Variants in WNT10A observed in about 807,000 individuals in gnomAD.
WNT10A encodes the protein protein Wnt-10a.
A neutral mutation model predicts 36.1 loss-of-function variants in WNT10A; 37 were observed. The ratio of observed to expected loss-of-function variants is 1.02; its 90% CI spans 0.79 to 1.35. The LOEUF (loss-of-function observed/expected upper bound fraction) is 1.35. Ranked by LOEUF, WNT10A falls within the 40% of genes most tolerant of loss-of-function variation. The probability of loss-of-function intolerance (pLI) is 0.00; values close to 1 mark genes in which losing one functional copy is unlikely to be tolerated. For synonymous variants in WNT10A, 255 were observed against 254.1 expected, an observed-to-expected ratio of 1.00 and a Z score of -0.03; for missense variants, 613 against 601.4, an observed-to-expected ratio of 1.02 and a Z score of -0.20.
intron 2 of WNT10A, chr2:218,883,734 C>A: frequency 6.6e-6 from 1 of 151,108 alleles, no homozygotes. Context: ...CGCTCTCCCG[C>A]CCCCTCCCGC....
Position 218,890,119 on chromosome 2 carries a change from G to A in WNT10A, c.512G>A (p.Arg171His), listed in dbSNP as rs199737793. 142 of 1,614,054 alleles carry A rather than the reference G, an allele frequency of 8.8e-5. No individual in the cohort carries two copies. In the Admixed American group the frequency reaches 2.1e-3, roughly 24 times the overall value. The change falls in exon 3 of 4, where the codon CGT becomes CAT. Residue 171 changes from arginine to histidine, a missense_variant. By Grantham distance (29) the Arg-to-His change is conservative. Coordinates refer to ENST00000258411, the MANE Select transcript of WNT10A (RefSeq NM_025216.3). Reference protein sequence around the residue: ...ASRRGDEEAFRRKLHRLQLDA... With the variant: ...ASRRGDEEAFHRKLHRLQLDA... ...CGGCGAGGGGACGAGGAGGCCTTCC[G>A]TAGGAAGCTGCACCGCTTACAACTG...
rs202024965 is a variant in WNT10A, at chr2:218,890,034, C to T, written c.427C>T (p.His143Tyr). ...CGCCATCGCAGCAGCTGGCGTGGTG[C>T]ACGCCGTGTCCAATGCGTGTGCCCT... is the stretch of plus-strand genomic sequence containing the variant. The part of the protein sequence containing the change: ...AYAIAAAGVV[H>Y]AVSNACALGK... Residue 143 changes from histidine to tyrosine, a missense_variant, in exon 3 of 4, where the codon CAC becomes TAC. Coordinates refer to ENST00000258411, the MANE Select transcript of WNT10A (RefSeq NM_025216.3). 1.2e-4 allele frequency: 196 copies of T among 1,613,752 alleles called. No homozygotes were observed. Among genetic ancestry groups the T allele is most frequent in the Non-Finnish European group, 1.1e-4 (135 of 1,180,054 alleles).
chr2:218,878,182 T>C (rs926666067), upstream of WNT10A, among the ~76,000 whole-genome samples: 1 of 152,158 alleles, frequency 6.6e-6, no homozygotes, highest in African/African-American at 2.4e-5. The surrounding 1 kb of genome is among the most constrained non-coding windows in gnomAD (Gnocchi z 4.1). Context: ...TGATAGGGGC[T>C]TGGCCATGGT....
chr2:218,890,020 C>T lies in WNT10A; in HGVS notation c.413C>T (p.Ala138Val). 1 of 1,613,722 alleles carries T rather than the reference C, an allele frequency of 6.2e-7. No individual in the cohort carries two copies. The highest frequency in any genetic ancestry group is 1.1e-5 in the South Asian group (1 of 91,070). ...AGCGCTTTTGCCTACGCCATCGCAG[C>T]AGCTGGCGTGGTGCACGCCGTGTCC... ...RESAFAYAIA[A>V]AGVVHAVSNA... Residue 138 changes from alanine (A) to valine (V), a missense_variant, in exon 3 of 4, where the codon GCA becomes GTA. By Grantham distance (64) the Ala-to-Val change is moderately conservative. Transcript: ENST00000258411.
upstream of WNT10A, among the ~76,000 whole-genome samples, chr2:218,876,541 G>A (rs1944455073): frequency 6.6e-6 from 1 of 152,082 alleles, no homozygotes; most frequent in Non-Finnish European, 1.5e-5. Flanking sequence ...GGCTCCCTTG[G>A]GTCAAATGTC....
At chr2:218,882,994 G>A (rs991340013) in intron 2 of WNT10A, among the ~76,000 whole-genome samples, 3 of 152,224 alleles carry the variant, frequency 2.0e-5, no homozygotes, top group African/African-American at 7.2e-5. Context: ...GTGCCTGTGT[G>A]CAGTGGCTCC....
chr2:218,885,337 T>A (rs1046975704), intron 2 of WNT10A, among the ~76,000 whole-genome samples: 1 of 152,192 alleles, frequency 6.6e-6, no homozygotes, highest in African/African-American at 2.4e-5. Context: ...AGAACCTAGA[T>A]GGTTGGTTCC....
chr2:218,890,031 G>C lies in WNT10A; in HGVS notation c.424G>C (p.Val142Leu). 1 of 1,613,842 alleles carries C rather than the reference G, an allele frequency of 6.2e-7. No individual in the cohort carries two copies. Among genetic ancestry groups the C allele is most frequent in the Non-Finnish European group, 8.5e-7 (1 of 1,180,044 alleles). Residue 142 changes from valine to leucine, a missense_variant, in exon 3 of 4, where the codon GTG becomes CTG. By Grantham distance (32) the Val-to-Leu change is conservative (BLOSUM62 1). Coordinates refer to ENST00000258411, the MANE Select transcript of WNT10A (RefSeq NM_025216.3). ...FAYAIAAAGV[V>L]HAVSNACALG... The stretch of plus-strand genomic sequence containing the variant: ...CTACGCCATCGCAGCAGCTGGCGTG[G>C]TGCACGCCGTGTCCAATGCGTGTGC...
chr2:218,884,988 C>T (rs1212177860), intron 2 of WNT10A, among the ~76,000 whole-genome samples: 2 of 152,188 alleles, frequency 1.3e-5, no homozygotes. Context: ...TTCTTTAATG[C>T]TGTTACTATC....
At chr2:218,884,536 C>T (rs1174925303) in intron 2 of WNT10A, among the ~76,000 whole-genome samples, 1 of 152,186 alleles carries the variant, frequency 6.6e-6, no homozygotes, top group Admixed American at 6.5e-5. Context: ...CACCTCATTT[C>T]TACCTCTACT....
At chr2:218,886,606 G>A (rs540405712) in intron 2 of WNT10A, among the ~76,000 whole-genome samples, 12 of 152,114 alleles carry the variant, frequency 7.9e-5, no homozygotes, top group African/African-American at 2.4e-4. Context: ...GGCTAATTGT[G>A]TGTCTTAACG....
chr2:218,877,978 C>T (rs931982539), upstream of WNT10A, among the ~76,000 whole-genome samples: 5 of 152,146 alleles, frequency 3.3e-5, no homozygotes, highest in African/African-American at 1.2e-4. This position sits in a 1 kb window ranked among gnomAD's most constrained non-coding sequence, Gnocchi z 4.1. Context: ...CCCATGCTTC[C>T]CCGGCCCTTC....
chr2:218,880,906 C>A lies in WNT10A; in HGVS notation c.-90C>A, dbSNP rs1944503810. On this transcript the variant is annotated 5_prime_UTR_variant, in exon 1 of 4. Coordinates refer to ENST00000258411, the MANE Select transcript of WNT10A (RefSeq NM_025216.3). The surrounding 1 kb of genome is among the most constrained non-coding windows in gnomAD (Gnocchi z 7.7). The stretch of plus-strand genomic sequence containing the variant: ...GAGCTGTGTGTCGCAGCCGCCCCGA[C>A]CCCCCGCCGATCATGCGCCGGCGCC... 7.0e-7 allele frequency: 1 copy of A among 1,422,870 alleles called. No individual in the cohort carries two copies. The allele number at this position is 1,422,870 out of a possible 1,614,324, so 88.1% of individuals were successfully genotyped here.
At position 218,892,990 on chromosome 2, in the gene WNT10A, C is replaced by T. The variant is rs750712776; in HGVS notation, c.973C>T (p.Pro325Ser). ...AGAPSPAPGA[P>S]GPRRRASPAD... ...GGCACCCTCGCCGGCTCCGGGCGCT[C>T]CCGGGCCGCGCCGACGGGCCAGCCC... The change falls in exon 4 of 4, where the codon CCC becomes TCC. Residue 325 changes from proline to serine, a missense_variant. Transcript: ENST00000258411. 1.3e-6 allele frequency: 2 copies of T among 1,528,176 alleles called. No individual in the cohort carries two copies. The highest frequency in any genetic ancestry group is 1.7e-6 in the Non-Finnish European group (2 of 1,147,794). The allele number at this position is 1,528,176 out of a possible 1,614,324, so 94.7% of individuals were successfully genotyped here.
intron 2 of WNT10A, among the ~76,000 whole-genome samples, chr2:218,883,459 G>A (rs1327139818): frequency 6.6e-6 from 1 of 151,974 alleles, no homozygotes; most frequent in Non-Finnish European, 1.5e-5. Context: ...CTTTTCACCA[G>A]GACCCCTGCT....
In WNT10A at chr2:218,890,143, T is replaced by A; in HGVS notation, c.536T>A (p.Leu179Gln). 6.2e-7 allele frequency: 1 copy of A among 1,614,104 alleles called. No homozygotes were observed. Among genetic ancestry groups the A allele is most frequent in the East Asian group, 2.2e-5 (1 of 44,878 alleles). Reference sequence around the variant, plus strand: ...CGTAGGAAGCTGCACCGCTTACAACTGGATGCACTGCAGCGTGGTAAGGGC... The same window carrying A: ...CGTAGGAAGCTGCACCGCTTACAACAGGATGCACTGCAGCGTGGTAAGGGC... The part of the protein sequence containing the change: ...AFRRKLHRLQ[L>Q]DALQRGKGLS... The change falls in exon 3 of 4, where the codon CTG (leucine) becomes CAG (glutamine). Residue 179 changes from leucine to glutamine, a missense_variant. By Grantham distance (113) the Leu-to-Gln change is moderately radical (BLOSUM62 -2). Transcript: ENST00000258411.
upstream of WNT10A, among the ~76,000 whole-genome samples, chr2:218,879,171 T>C (rs966918613): frequency 1.4e-5 from 2 of 147,370 alleles, no homozygotes; most frequent in African/African-American, 2.5e-5. Flanking sequence ...GGGGGGAGTA[T>C]GCCGTCAGCC....
chr2:218,882,069 G>C (rs904789876), intron 1 of WNT10A, 92 bp from the exon 2 acceptor site: 77 of 1,513,926 alleles, frequency 5.1e-5, no homozygotes, highest in Middle Eastern at 3.5e-4. Context: ...AAGAGGGAGT[G>C]ATTATGGCCG....
chr2:218,889,741 CAGG>C (rs1944623017), intron 2 of WNT10A, among the ~76,000 whole-genome samples: 1 of 152,202 alleles, frequency 6.6e-6, no homozygotes, highest in South Asian at 2.1e-4. Context: ...TGTTAAAGAA[CAGG>C]AGAAGGGCGT....
Sources: gnomAD v4.1 joint callset for allele counts (sites outside exome capture counted in the v4.1 genomes callset) on GRCh38, gnomAD v4.1.1 for gene constraint, Gnocchi (gnomAD v3.1) non-coding constraint, MANE v1.5 for transcripts, NCBI Gene and HGNC (gene_info 2026-07-23, HGNC 2026-07-21) for gene names.